The following EXOC6B variants were observed in gnomAD, a reference collection of about 807,000 sequenced individuals.
The protein encoded by EXOC6B is exocyst complex component 6B.
In EXOC6B, 54 loss-of-function variants were observed where a neutral mutation model predicts 113.5. That is an observed-to-expected ratio of 0.48 (90% CI 0.38 to 0.60). The LOEUF is 0.60. Ranked by LOEUF, EXOC6B falls within the 20% of genes least tolerant of loss-of-function variation. The probability of loss-of-function intolerance (pLI) is 0.00; values close to 1 mark genes in which losing one functional copy is unlikely to be tolerated. For synonymous variants in EXOC6B, 357 were observed against 339.0 expected (o/e 1.05, Z -0.58); for missense variants, 797 against 977.5 (o/e 0.82, Z 2.46).
At chr2:72,235,978 C>T (rs925688067) in intron 20 of EXOC6B, among the ~76,000 whole-genome samples, 1 of 152,154 alleles carries the variant, frequency 6.6e-6, no homozygotes, top group Non-Finnish European at 1.5e-5. Flanking sequence ...TAACAGATGT[C>T]AGTTGATGAT....
chr2:72,398,360 C>T (rs951594805), intron 18 of EXOC6B, among the ~76,000 whole-genome samples: 1 of 152,070 alleles, frequency 6.6e-6, no homozygotes, highest in African/African-American at 2.4e-5. Flanking sequence ...ACAAACTGAA[C>T]CTACACATTG....
chr2:72,236,932 T>C (rs1350499130), intron 20 of EXOC6B, among the ~76,000 whole-genome samples: 1 of 152,144 alleles, frequency 6.6e-6, no homozygotes, highest in Admixed American at 6.6e-5. Context: ...AGAGTAGTAG[T>C]CCTGTTTTTC....
At chr2:72,741,721 C>T (rs759204807) in intron 1 of EXOC6B, among the ~76,000 whole-genome samples, 6 of 152,152 alleles carry the variant, frequency 3.9e-5, no homozygotes, top group Non-Finnish European at 7.4e-5. Context: ...GACTGAATTA[C>T]AACTCCCTTG....
At chr2:72,185,592 G>T (rs887806632) in intron 20 of EXOC6B, among the ~76,000 whole-genome samples, 5 of 152,140 alleles carry the variant, frequency 3.3e-5, no homozygotes, top group East Asian at 1.9e-4. Context: ...GTCCCAAACG[G>T]CCCCTCAGGC....
chr2:72,626,249 T>TA (rs1280874160), intron 6 of EXOC6B, among the ~76,000 whole-genome samples: 3 of 152,216 alleles, frequency 2.0e-5, no homozygotes, highest in Non-Finnish European at 4.4e-5. Context: ...AGCATTCATC[T>TA]AGCTGTATTT....
At chr2:72,223,300 T>C (rs898279218) in intron 20 of EXOC6B, among the ~76,000 whole-genome samples, 1 of 152,168 alleles carries the variant, frequency 6.6e-6, no homozygotes, top group African/African-American at 2.4e-5. Context: ...ACACTTAGAC[T>C]TTGGGAAAGT....
intron 6 of EXOC6B, among the ~76,000 whole-genome samples, chr2:72,601,178 A>G (rs1187386999): frequency 2.0e-4 from 19 of 96,330 alleles, no homozygotes; most frequent in Non-Finnish European, 3.6e-4. Context: ...GTGTGTGTGT[A>G]TATCTTTTTT....
intron 11 of EXOC6B, among the ~76,000 whole-genome samples, chr2:72,501,530 T>C (rs947730583): frequency 6.6e-6 from 1 of 152,120 alleles, no homozygotes; most frequent in Non-Finnish European, 1.5e-5. Flanking sequence ...CACAAATGGA[T>C]TGATAAACCT....
intron 18 of EXOC6B, among the ~76,000 whole-genome samples, chr2:72,401,686 T>A (rs1189440628): frequency 5.5e-5 from 6 of 109,342 alleles, no homozygotes; most frequent in Non-Finnish European, 3.6e-5. Context: ...TATATATATA[T>A]GAAAAAGAAT....
At chr2:72,334,180 C>T (rs1225116229) in intron 20 of EXOC6B, among the ~76,000 whole-genome samples, 2 of 152,022 alleles carry the variant, frequency 1.3e-5, no homozygotes, top group African/African-American at 2.4e-5. Flanking sequence ...GAAGAGATGA[C>T]AGAGCCCAGT....
intron 6 of EXOC6B, among the ~76,000 whole-genome samples, chr2:72,680,746 A>C (rs1321191068): frequency 2.0e-5 from 3 of 152,084 alleles, no homozygotes; most frequent in African/African-American, 7.2e-5. Context: ...CTCAAAAAAA[A>C]AAAGAAAAAA....
chr2:72,667,873 G>C (rs1324622953), intron 6 of EXOC6B, among the ~76,000 whole-genome samples: 2 of 152,170 alleles, frequency 1.3e-5, no homozygotes, highest in Admixed American at 6.5e-5. Context: ...ATTGACAAGT[G>C]TGACCTAGTT....
intron 17 of EXOC6B, among the ~76,000 whole-genome samples, chr2:72,467,629 C>T (rs1035591233): frequency 1.3e-5 from 2 of 152,142 alleles, no homozygotes; most frequent in African/African-American, 4.8e-5. Flanking sequence ...TATGTCTTCT[C>T]TTGAGAAATG....
chr2:72,823,787 A>AG (rs1260319019), intron 1 of EXOC6B, among the ~76,000 whole-genome samples: 4 of 152,176 alleles, frequency 2.6e-5, no homozygotes, highest in Non-Finnish European at 5.9e-5. Context: ...TCCCAAAAAA[A>AG]AAAAAGAAGG....
At chr2:72,550,323 A>C (rs1346464200) in intron 8 of EXOC6B, among the ~76,000 whole-genome samples, 1 of 152,180 alleles carries the variant, frequency 6.6e-6, no homozygotes, top group African/African-American at 2.4e-5. Context: ...TTACAGCCCC[A>C]AAAAGGCTAT....
At chr2:72,718,643 A>G (rs58025105) in intron 5 of EXOC6B, among the ~76,000 whole-genome samples, 22 of 152,308 alleles carry the variant, frequency 1.4e-4, no homozygotes, top group African/African-American at 5.3e-4. Context: ...GGATCACTTG[A>G]GGCCAGGAAT....
intron 6 of EXOC6B, among the ~76,000 whole-genome samples, chr2:72,671,815 GA>G (rs1458742123): frequency 8.1e-6 from 1 of 124,212 alleles, no homozygotes; most frequent in African/African-American, 2.9e-5. Flanking sequence ...AAGAAAGAAA[GA>G]AAGAAGAGAA....
intron 15 of EXOC6B, among the ~76,000 whole-genome samples, chr2:72,493,239 C>T (rs1164796248): frequency 4.6e-5 from 7 of 150,588 alleles, no homozygotes; most frequent in Admixed American, 2.0e-4. Flanking sequence ...TCATGGTTTT[C>T]GGACTACTTA....
intron 20 of EXOC6B, among the ~76,000 whole-genome samples, chr2:72,240,947 A>C (rs868545790): frequency 3.3e-5 from 5 of 152,140 alleles, no homozygotes; most frequent in South Asian, 4.1e-4. Flanking sequence ...GGATATAGAG[A>C]ATACATTTTA....
Sources: allele counts gnomAD v4.1 joint callset (sites outside exome capture counted in the v4.1 genomes callset), GRCh38; gene constraint gnomAD v4.1.1; transcripts MANE v1.5; gene names NCBI Gene and HGNC (gene_info 2026-07-23, HGNC 2026-07-21).